Variants in VIPR2 observed in about 807,000 individuals in gnomAD.
The protein encoded by VIPR2 is vasoactive intestinal peptide receptor 2.
Under a neutral mutation model 58.0 loss-of-function variants are expected in VIPR2, and 48 were observed. The ratio of observed to expected loss-of-function variants is 0.83; its 90% CI spans 0.66 to 1.05. The LOEUF (loss-of-function observed/expected upper bound fraction) is 1.05, where lower values mean the gene tolerates loss of function less well. VIPR2 is among the 50% of genes least tolerant of loss of function. The pLI, the probability that VIPR2 is intolerant of heterozygous loss-of-function variation, is 0.00. For missense variants in VIPR2, 534 were observed against 558.0 expected (o/e 0.96, Z 0.43); for synonymous variants, 243 against 235.2 (o/e 1.03, Z -0.30).
intron 4 of VIPR2, among the ~76,000 whole-genome samples, chr7:159,086,759 T>C (rs1857198036): frequency 6.6e-6 from 1 of 152,218 alleles, no homozygotes; most frequent in Non-Finnish European, 1.5e-5. Flanking sequence ...CTCACGGTGC[T>C]TGCTTCCCAC....
intron 5 of VIPR2, among the ~76,000 whole-genome samples, chr7:159,044,227 C>T (rs1854511182): frequency 6.6e-6 from 1 of 152,066 alleles, no homozygotes; most frequent in South Asian, 2.1e-4. Context: ...AAACAACTAG[C>T]TGATGACTGA....
intron 4 of VIPR2, among the ~76,000 whole-genome samples, chr7:159,060,928 C>G (rs1855610092): frequency 6.6e-6 from 1 of 152,124 alleles, no homozygotes; most frequent in Non-Finnish European, 1.5e-5. Flanking sequence ...ATCATTCTAG[C>G]AAAAAGACAT....
chr7:159,121,128 G>A (rs567252518), intron 2 of VIPR2, among the ~76,000 whole-genome samples: 1 of 152,292 alleles, frequency 6.6e-6, no homozygotes, highest in South Asian at 2.1e-4. Context: ...AGCTGGAGGG[G>A]AGGGTGGGAG....
At chr7:159,103,218 A>C (rs1463152285) in intron 4 of VIPR2, among the ~76,000 whole-genome samples, 1 of 152,194 alleles carries the variant, frequency 6.6e-6, no homozygotes, top group African/African-American at 2.4e-5. Context: ...TGCAGCCCGG[A>C]TTGGGGGGTC....
chr7:159,107,011 A>G (rs1269447742), intron 3 of VIPR2, among the ~76,000 whole-genome samples: 1 of 152,094 alleles, frequency 6.6e-6, no homozygotes. Context: ...GGAGGTGCAG[A>G]GAAAGGTTGT....
chr7:159,138,772 A>G (rs879837101), intron 2 of VIPR2, among the ~76,000 whole-genome samples: 4 of 152,256 alleles, frequency 2.6e-5, no homozygotes, highest in Non-Finnish European at 5.9e-5. Context: ...TGGGGCTGGC[A>G]GCAGTGAAGT....
At position 159,030,580 on chromosome 7, in the gene VIPR2, T is replaced by C; in HGVS notation, c.*36A>G. The C allele has an allele frequency of 6.7e-7, 1 of 1,498,718 alleles. No homozygotes were observed. The highest frequency in any genetic ancestry group is 8.9e-7 in the Non-Finnish European group (1 of 1,120,698). 92.8% of individuals were successfully genotyped at this position (1,498,718 alleles called of 1,614,324 possible). Reference sequence around the variant, plus strand: ...TCAGCCCCGCAGAAGCCCCGAACCGTGGGCCTCCCGCCGCGTCCGACAGGC... The same window carrying C: ...TCAGCCCCGCAGAAGCCCCGAACCGCGGGCCTCCCGCCGCGTCCGACAGGC... On this transcript the variant is annotated 3_prime_UTR_variant, in exon 13 of 13. Coordinates refer to ENST00000262178, the MANE Select transcript of VIPR2 (RefSeq NM_003382.5).
chr7:159,103,844 G>T lies in VIPR2; in HGVS notation c.270C>A (p.Ser90Arg), dbSNP rs1200033195. 1.9e-6 allele frequency: 3 copies of T among 1,613,894 alleles called. No homozygotes were observed. The African/African-American group carries it at 4.0e-5, about 22-fold the overall frequency. The stretch of plus-strand genomic sequence containing the variant: ...ACCATCCGTCACTCGTACAGTTTTT[G>T]CTTATGTTTCCTGGAAAGTGAAGTT... ...SNFYSKAGNISKNCTSDGWSE... is the reference protein window; with the variant it reads ...SNFYSKAGNIRKNCTSDGWSE... The change falls in exon 4 of 13, where the codon AGC (serine) becomes AGA (arginine). Residue 90 changes from serine to arginine, a missense_variant. Transcript: ENST00000262178.
At chr7:159,059,802 C>G (rs904109476) in intron 4 of VIPR2, among the ~76,000 whole-genome samples, 1 of 150,906 alleles carries the variant, frequency 6.6e-6, no homozygotes, top group African/African-American at 2.4e-5. Context: ...CCTCACCTAA[C>G]CATCACATCA....
intron 4 of VIPR2, among the ~76,000 whole-genome samples, chr7:159,092,168 C>T (rs143396167): frequency 6.5e-4 from 99 of 152,354 alleles, no homozygotes; most frequent in African/African-American, 2.2e-3. Flanking sequence ...GCACAGACTG[C>T]CCACCTCCGC....
At chr7:159,064,179 C>T (rs1227591654) in intron 4 of VIPR2, among the ~76,000 whole-genome samples, 2 of 152,034 alleles carry the variant, frequency 1.3e-5, no homozygotes, top group African/African-American at 2.4e-5. Context: ...GATGCGGCTG[C>T]TGGGGTGGGA....
intron 6 of VIPR2, among the ~76,000 whole-genome samples, chr7:159,039,492 C>CAA (rs913241263): frequency 9.9e-5 from 15 of 152,282 alleles, no homozygotes; most frequent in African/African-American, 3.6e-4. Flanking sequence ...CAAAACAAAA[C>CAA]AAAACAAAAA....
chr7:159,140,462 C>G (rs1797418852), intron 2 of VIPR2, among the ~76,000 whole-genome samples: 1 of 152,174 alleles, frequency 6.6e-6, no homozygotes, highest in Non-Finnish European at 1.5e-5. Flanking sequence ...AAAAGAGTGG[C>G]CAGGCTGAGG....
chr7:159,139,740 C>T (rs1364095417), intron 2 of VIPR2, among the ~76,000 whole-genome samples: 1 of 152,222 alleles, frequency 6.6e-6, no homozygotes, highest in Admixed American at 6.5e-5. Flanking sequence ...CTGCTTCTCC[C>T]CAGAGGAGGT....
chr7:159,038,710 A>AGATGAACCAAGACG (rs1854128806), intron 6 of VIPR2, among the ~76,000 whole-genome samples: 2 of 152,192 alleles, frequency 1.3e-5, no homozygotes, highest in African/African-American at 4.8e-5. Flanking sequence ...GAACCAAGAC[A>AGATGAACCAAGACG]CAAATGAACA....
At chr7:159,123,824 A>C (rs1255312207) in intron 2 of VIPR2, among the ~76,000 whole-genome samples, 1 of 152,002 alleles carries the variant, frequency 6.6e-6, no homozygotes, top group East Asian at 1.9e-4. Flanking sequence ...TTATTTTTTT[A>C]CTTTTTAACA....
At chr7:159,058,261 G>C (rs1379322574) in intron 5 of VIPR2, among the ~76,000 whole-genome samples, 4 of 152,188 alleles carry the variant, frequency 2.6e-5, no homozygotes, top group Non-Finnish European at 5.9e-5. Context: ...TAGCTGAGCT[G>C]AGTTCCTATC....
chr7:159,040,095 G>A (rs536337051), intron 6 of VIPR2, among the ~76,000 whole-genome samples: 2 of 152,278 alleles, frequency 1.3e-5, no homozygotes, highest in South Asian at 2.1e-4. Flanking sequence ...TTTTTCCCAT[G>A]TGCCCATTCA....
chr7:159,144,473 G>C (rs1440690394), intron 1 of VIPR2: 7 of 1,540,122 alleles, frequency 4.5e-6, no homozygotes, highest in African/African-American at 1.4e-5. Flanking sequence ...AACCCCGGAC[G>C]GTGGGGCGCG....
Sources: gnomAD v4.1 joint callset for allele counts (sites outside exome capture counted in the v4.1 genomes callset) on GRCh38, gnomAD v4.1.1 for gene constraint, MANE v1.5 for transcripts, NCBI Gene and HGNC (gene_info 2026-07-23, HGNC 2026-07-21) for gene names.